ST6GALNAC3: variants seen among roughly 807,000 people sequenced by gnomAD.
ST6GALNAC3 encodes the protein ST6 N-acetylgalactosaminide alpha-2,6-sialyltransferase 3.
Under a neutral mutation model 32.7 loss-of-function variants are expected in ST6GALNAC3, and 25 were observed. That is an observed-to-expected ratio of 0.76 (90% CI 0.56 to 1.07). ST6GALNAC3 has a LOEUF of 1.07. Among genes scored for constraint, ST6GALNAC3 ranks in the 50% least tolerant of loss-of-function variants. ST6GALNAC3 has a pLI of 0.00. For synonymous variants in ST6GALNAC3, 129 were observed against 133.1 expected (o/e 0.97, Z 0.21); for missense variants, 355 against 382.4 (o/e 0.93, Z 0.60).
intron 3 of ST6GALNAC3, among the ~76,000 whole-genome samples, chr1:76,435,992 A>C (rs1474778156): frequency 6.6e-6 from 1 of 151,956 alleles, no homozygotes; most frequent in African/African-American, 2.4e-5. Flanking sequence ...ACTGCACCCA[A>C]TTTGTAGTCT....
chr1:76,341,681 C>CTTTT, intron 2 of ST6GALNAC3, among the ~76,000 whole-genome samples: 1 of 137,414 alleles, frequency 7.3e-6, no homozygotes, highest in East Asian at 2.2e-4. Flanking sequence ...TTCTTTCTTT[C>CTTTT]CTTCTTTCTT....
At chr1:76,483,856 T>A (rs1019018145) in intron 3 of ST6GALNAC3, among the ~76,000 whole-genome samples, 7 of 152,176 alleles carry the variant, frequency 4.6e-5, no homozygotes, top group African/African-American at 1.7e-4. Context: ...TGGTTTTAGG[T>A]CTAACATTTA....
downstream of ST6GALNAC3, among the ~76,000 whole-genome samples, chr1:76,636,168 C>G (rs1344404732): frequency 6.6e-6 from 1 of 152,036 alleles, no homozygotes; most frequent in African/African-American, 2.4e-5. Context: ...CATATTATAC[C>G]AAGAGAGAAT....
chr1:76,261,023 G>A (rs935356125), intron 1 of ST6GALNAC3, among the ~76,000 whole-genome samples: 5 of 150,096 alleles, frequency 3.3e-5, no homozygotes, highest in African/African-American at 1.2e-4. Flanking sequence ...CTGTGAAATG[G>A]CCAAATCAAG....
chr1:76,304,636 C>T (rs1271357748), intron 1 of ST6GALNAC3, among the ~76,000 whole-genome samples: 1 of 151,916 alleles, frequency 6.6e-6, no homozygotes, highest in Non-Finnish European at 1.5e-5. Context: ...AGGAGACTTC[C>T]CTTCTCACTT....
At chr1:76,455,902 A>T (rs187439793) in intron 3 of ST6GALNAC3, among the ~76,000 whole-genome samples, 1 of 152,182 alleles carries the variant, frequency 6.6e-6, no homozygotes, top group Non-Finnish European at 1.5e-5. Flanking sequence ...AAAATACTTT[A>T]TGGCTGGATG....
chr1:76,323,563 A>G (rs1647010131), intron 2 of ST6GALNAC3, among the ~76,000 whole-genome samples: 1 of 152,192 alleles, frequency 6.6e-6, no homozygotes, highest in Non-Finnish European at 1.5e-5. Context: ...ATGGAATCCC[A>G]TTTGTTGAAT....
chr1:76,392,760 C>T (rs1408866), intron 2 of ST6GALNAC3, among the ~76,000 whole-genome samples: 43,943 of 151,950 alleles, frequency 0.29, 7,674 homozygotes, highest in East Asian at 0.6. Context: ...CAGTAAAAAA[C>T]CAGAGCAAGG....
At chr1:76,181,103 G>A (rs2100461017) in intron 1 of ST6GALNAC3, among the ~76,000 whole-genome samples, 1 of 152,286 alleles carries the variant, frequency 6.6e-6, no homozygotes, top group Non-Finnish European at 1.5e-5. Flanking sequence ...CCCAACCCCT[G>A]CACCTGTCCG....
Position 76,523,319 on chromosome 1 carries a change from A to T in ST6GALNAC3, c.624-104133A>T, listed in dbSNP as rs532284810. Among the ~76,000 whole-genome samples, 17 of 152,190 alleles carry T rather than the reference A, an allele frequency of 1.1e-4. No individual in the cohort carries two copies. In the East Asian group the frequency reaches 2.3e-3, roughly 21 times the overall value. On this transcript the variant is annotated intron_variant, in intron 3 of 4. Transcript: ENST00000328299. ...TTATAATGTTTGTCTTAATATCTAC[A>T]TCATGTGTGGATTTGTTTCTGTTGC...
At chr1:76,199,298 G>C (rs764680249) in intron 1 of ST6GALNAC3, among the ~76,000 whole-genome samples, 5 of 152,170 alleles carry the variant, frequency 3.3e-5, no homozygotes, top group Non-Finnish European at 7.3e-5. Flanking sequence ...GATTGATGCT[G>C]GGCCAGACTG....
At chr1:76,463,491 G>A (rs946336180) in intron 3 of ST6GALNAC3, among the ~76,000 whole-genome samples, 10 of 152,052 alleles carry the variant, frequency 6.6e-5, no homozygotes, top group East Asian at 1.9e-4. Flanking sequence ...GCTTTTGATC[G>A]GTTGAGCAGC....
chr1:76,400,126 CATTAAGT>C (rs1653292595), intron 2 of ST6GALNAC3, among the ~76,000 whole-genome samples: 1 of 152,064 alleles, frequency 6.6e-6, no homozygotes, highest in African/African-American at 2.4e-5. Context: ...AAAAATTTAA[CATTAAGT>C]ATTAAGTACA....
At chr1:76,227,743 C>T (rs540292590) in intron 1 of ST6GALNAC3, among the ~76,000 whole-genome samples, 1 of 152,260 alleles carries the variant, frequency 6.6e-6, no homozygotes, top group South Asian at 2.1e-4. Flanking sequence ...TTCCTCGTTG[C>T]TCTTTTTAGA....
chr1:76,605,861 TAAAAAAAAAAAAAAAAAA>T (rs1159864958), intron 3 of ST6GALNAC3, among the ~76,000 whole-genome samples: 1 of 58,920 alleles, frequency 1.7e-5, no homozygotes, highest in Non-Finnish European at 2.8e-5. Context: ...GGAGACTCCA[TAAAAAAAAAAAAAAAAAA>T]AAAAAAAAAA....
At chr1:76,236,447 T>G (rs566987268) in intron 1 of ST6GALNAC3, among the ~76,000 whole-genome samples, 2 of 152,324 alleles carry the variant, frequency 1.3e-5, no homozygotes, top group East Asian at 3.9e-4. Flanking sequence ...TAATTATTAT[T>G]AGTAAGTAGA....
chr1:76,198,057 A>T lies in ST6GALNAC3; in HGVS notation c.19-115748A>T, dbSNP rs532301777. Reference sequence around the variant, plus strand: ...TGCTGTTATTTGTTTGTTTGTTCTGAGACAGGGTCTCACTGTGTCACCTAG... The same window carrying T: ...TGCTGTTATTTGTTTGTTTGTTCTGTGACAGGGTCTCACTGTGTCACCTAG... On this transcript the variant is annotated intron_variant, in intron 1 of 4. Transcript: ENST00000328299. Among the ~76,000 whole-genome samples the T allele has an allele frequency of 3.3e-5, 5 of 152,248 alleles. No homozygotes were observed. The South Asian group carries it at 1.0e-3, about 32-fold the overall frequency.
rs113523677 is a variant in ST6GALNAC3, at chr1:76,545,811, C to G, written c.624-81641C>G. 2.0e-4 allele frequency among the ~76,000 whole-genome samples: 31 copies of G among 152,244 alleles called. 2 individuals are homozygous for G. The highest frequency in any genetic ancestry group is 5.8e-4 in the African/African-American group (24 of 41,572). On this transcript the variant is annotated intron_variant, in intron 3 of 4. Transcript: ENST00000328299. ...AGCTGGGATTACAGGCATGCCCCCCCACATCCAGCTAATTTTTTTGTATTT... is the reference window on the plus strand; with the variant it reads ...AGCTGGGATTACAGGCATGCCCCCCGACATCCAGCTAATTTTTTTGTATTT...
intron 2 of ST6GALNAC3, among the ~76,000 whole-genome samples, chr1:76,319,404 C>A (rs1166108052): frequency 6.8e-6 from 1 of 147,614 alleles, no homozygotes; most frequent in Non-Finnish European, 1.5e-5. Context: ...GTTGCTGTGA[C>A]AGACAGGCCA....
Sources: gnomAD v4.1 joint callset for allele counts (sites outside exome capture counted in the v4.1 genomes callset) on GRCh38, gnomAD v4.1.1 for gene constraint, MANE v1.5 for transcripts, NCBI Gene and HGNC (gene_info 2026-07-23, HGNC 2026-07-21) for gene names.